Variants in TTC39B observed in about 807,000 individuals in gnomAD.
TTC39B encodes tetratricopeptide repeat protein 39B.
A neutral mutation model predicts 96.6 loss-of-function variants in TTC39B; 92 were observed. The ratio of observed to expected loss-of-function variants is 0.95; its 90% confidence interval spans 0.80 to 1.13. TTC39B has a LOEUF of 1.13. Ranked by LOEUF, TTC39B falls within the 50% of genes most tolerant of loss-of-function variation. The pLI, the probability that TTC39B is intolerant of heterozygous loss-of-function variation, is 0.00. For synonymous variants in TTC39B, 367 were observed against 299.4 expected, an observed-to-expected ratio of 1.23 and a Z score of -2.33; for missense variants, 955 against 809.3, an observed-to-expected ratio of 1.18 and a Z score of -2.18.
At chr9:15,302,593 C>T (rs1438446075) in intron 1 of TTC39B, among the ~76,000 whole-genome samples, 1 of 148,618 alleles carries the variant, frequency 6.7e-6, no homozygotes, top group African/African-American at 2.5e-5. Flanking sequence ...CCTGTAATCC[C>T]AGCACTTTGA....
rs764682188 is a variant in TTC39B, at chr9:15,177,710, G to A, written c.1828C>T (p.His610Tyr). 5 of 1,609,584 alleles carry A rather than the reference G, an allele frequency of 3.1e-6. No individual in the cohort carries two copies. In the South Asian group the frequency reaches 5.6e-5, roughly 18 times the overall value. ...GTTTGGTCTTACCTTTCCACAACAT[G>A]ATTGTAACATAGTTCAGCTTGCAAG... The change falls in exon 18 of 20, where the codon CAT (histidine) becomes TAT (tyrosine). Residue 610 changes from histidine to tyrosine, a missense_variant. Coordinates refer to ENST00000512701, the Ensembl canonical transcript of TTC39B.
At chr9:15,210,311 T>A (rs1365772622) in intron 5 of TTC39B, 147 bp from the exon 6 acceptor site, 2 of 595,114 alleles carry the variant, frequency 3.4e-6, no homozygotes, top group East Asian at 3.0e-5. Flanking sequence ...AGGACACAGA[T>A]CATCCTTTTC....
chr9:15,301,363 C>T (rs2131621500), intron 1 of TTC39B, among the ~76,000 whole-genome samples: 1 of 152,356 alleles, frequency 6.6e-6, no homozygotes, highest in South Asian at 2.1e-4. Context: ...TGACGTTGTG[C>T]TCCTCAAGGG....
At chr9:15,305,491 T>C (rs939019149) in intron 1 of TTC39B, among the ~76,000 whole-genome samples, 1 of 152,162 alleles carries the variant, frequency 6.6e-6, no homozygotes, top group Non-Finnish European at 1.5e-5. Context: ...GCCTAATAGT[T>C]AATGAATGAA....
exon 18 of TTC39B, chr9:15,177,741 C>T (rs1564311119): frequency 1.9e-6 from 3 of 1,613,616 alleles, no homozygotes; most frequent in Non-Finnish European, 2.5e-6. Context: ...GCAAGGGCCG[C>T]TGTAAGTTCT....
rs182172934 is a variant in TTC39B at position 15,164,942 on chromosome 9, A to G, written c.*7077T>C. ...CAACAGCCTAAGATTTAAAATGTTT[A>G]CCATAATCTCTGTTTATGTAAATTA... On this transcript the variant is annotated 3_prime_UTR_variant, in exon 20 of 20. Coordinates refer to ENST00000512701, the Ensembl canonical transcript of TTC39B. The G allele has an allele frequency of 3.3e-5, 5 of 152,388 alleles. No individual in the cohort carries two copies. In the East Asian group the frequency reaches 9.6e-4, roughly 29 times the overall value. 9.4% of individuals were successfully genotyped at this position (152,388 alleles called of 1,614,324 possible). A position where few individuals can be genotyped will look rare whatever the true frequency, so the allele number is the denominator to read the frequency against.
chr9:15,242,886 T>A (rs1287550817), intron 2 of TTC39B, among the ~76,000 whole-genome samples: 1 of 152,252 alleles, frequency 6.6e-6, no homozygotes, highest in Non-Finnish European at 1.5e-5. Flanking sequence ...GACTGCTTAT[T>A]GGCATGATGA....
At chr9:15,264,389 T>C (rs1378707343) in intron 2 of TTC39B, among the ~76,000 whole-genome samples, 1 of 152,206 alleles carries the variant, frequency 6.6e-6, no homozygotes, top group East Asian at 1.9e-4. Context: ...CAGTGGCTCA[T>C]GCCTGTAATC....
intron 1 of TTC39B, among the ~76,000 whole-genome samples, chr9:15,292,162 C>T (rs1400686434): frequency 1.3e-5 from 2 of 152,192 alleles, no homozygotes; most frequent in Admixed American, 6.5e-5. Flanking sequence ...GATGCCACAG[C>T]ATGTATGCCA....
chr9:15,190,660 C>T (rs764404276), exon 11 of TTC39B: 10 of 1,612,552 alleles, frequency 6.2e-6, no homozygotes, highest in Non-Finnish European at 8.5e-6. Flanking sequence ...GGAGGCCCAA[C>T]TCCTATGGGA....
chr9:15,201,430 G>C (rs1819533702), intron 7 of TTC39B, among the ~76,000 whole-genome samples: 1 of 152,184 alleles, frequency 6.6e-6, no homozygotes, highest in Admixed American at 6.5e-5. Flanking sequence ...TCATGCATGG[G>C]ATGTCATGAG....
chr9:15,189,913 T>A (rs1417431251), intron 11 of TTC39B, 121 bp from the exon 12 acceptor site: 2 of 681,970 alleles, frequency 2.9e-6, no homozygotes, highest in Non-Finnish European at 2.5e-6. Context: ...AAACTATTAT[T>A]TCATCATTTT....
At chr9:15,273,224 C>T (rs1462688444) in intron 1 of TTC39B, among the ~76,000 whole-genome samples, 1 of 152,134 alleles carries the variant, frequency 6.6e-6, no homozygotes, top group Non-Finnish European at 1.5e-5. Flanking sequence ...GACAAATATG[C>T]TATTAACAGT....
chr9:15,226,150 C>T (rs1315169911), intron 2 of TTC39B, 138 bp from the exon 3 acceptor site: 2 of 663,364 alleles, frequency 3.0e-6, no homozygotes, highest in Non-Finnish European at 4.8e-6. Context: ...TTTTAAAAAT[C>T]AAGTAACAAA....
intron 2 of TTC39B, among the ~76,000 whole-genome samples, chr9:15,235,335 G>A (rs1019925098): frequency 1.3e-5 from 2 of 152,128 alleles, no homozygotes; most frequent in African/African-American, 4.8e-5. Flanking sequence ...CAAACCTATG[G>A]CTTATAGGCA....
exon 1 of TTC39B, chr9:15,307,184 G>T: frequency 6.3e-7 from 1 of 1,581,642 alleles, no homozygotes; most frequent in Non-Finnish European, 8.6e-7. Context: ...GCCGACTCCT[G>T]CTCTCGGCTC....
chr9:15,205,739 GA>G (rs1236102987), intron 6 of TTC39B, among the ~76,000 whole-genome samples: 2 of 151,932 alleles, frequency 1.3e-5, no homozygotes, highest in Non-Finnish European at 2.9e-5. Context: ...CAGGAATTAT[GA>G]GCTATGAAAG....
intron 15 of TTC39B, 44 bp from the exon 16 acceptor site, chr9:15,185,450 C>T (rs764837794): frequency 1.1e-4 from 182 of 1,608,082 alleles, no homozygotes; most frequent in Non-Finnish European, 1.5e-4. Context: ...GTCATGGCAA[C>T]ACATACATTA....
intron 1 of TTC39B, among the ~76,000 whole-genome samples, chr9:15,277,969 G>A (rs192117203): frequency 1.3e-5 from 2 of 152,232 alleles, no homozygotes; most frequent in African/African-American, 2.4e-5. Flanking sequence ...GAGAAATCAC[G>A]AGAATTAAAA....
Sources: allele counts gnomAD v4.1 joint callset (sites outside exome capture counted in the v4.1 genomes callset), GRCh38; gene constraint gnomAD v4.1.1; transcripts MANE v1.5; gene names NCBI Gene and HGNC (gene_info 2026-07-23, HGNC 2026-07-21).